Variants in HCLS1 observed in about 807,000 individuals in gnomAD.
HCLS1 encodes hematopoietic cell-specific Lyn substrate 1, also known as hematopoietic lineage cell-specific protein.
In HCLS1, 44 loss-of-function variants were observed where a neutral mutation model predicts 68.6. The observed-to-expected ratio is 0.64, with a 90% CI of 0.50 to 0.82. The LOEUF (loss-of-function observed/expected upper bound fraction) is 0.82. Among genes scored for constraint, HCLS1 ranks in the 40% least tolerant of loss-of-function variants. The pLI, the probability that HCLS1 is intolerant of heterozygous loss-of-function variation, is 0.00. For missense variants in HCLS1, 602 were observed against 612.1 expected, an observed-to-expected ratio of 0.98 and a Z score of 0.17; for synonymous variants, 217 against 225.8, an observed-to-expected ratio of 0.96 and a Z score of 0.35.
intron 10 of HCLS1, among the ~76,000 whole-genome samples, 174 bp from the exon 11 acceptor site, chr3:121,633,345 A>G (rs1429979879): frequency 6.6e-6 from 1 of 151,910 alleles, no homozygotes; most frequent in Non-Finnish European, 1.5e-5. Context: ...CCCCCTGAGT[A>G]GCTGGGATTA....
At chr3:121,650,939 C>A (rs912112312) in intron 3 of HCLS1, among the ~76,000 whole-genome samples, 1 of 152,128 alleles carries the variant, frequency 6.6e-6, no homozygotes, top group African/African-American at 2.4e-5. Context: ...AGCTCAAGAC[C>A]AGCCTAGCCA....
intron 4 of HCLS1, among the ~76,000 whole-genome samples, chr3:121,645,321 C>T (rs2049236880): frequency 6.6e-6 from 1 of 152,048 alleles, no homozygotes; most frequent in South Asian, 2.1e-4. Flanking sequence ...GACGCCATAG[C>T]CGGGATGGAA....
At position 121,657,369 on chromosome 3, in the gene HCLS1, G is replaced by T; in HGVS notation, c.85-17C>A. The T allele has an allele frequency of 3.1e-6, 5 of 1,613,134 alleles. No homozygotes were observed. Among genetic ancestry groups the T allele is most frequent in the Non-Finnish European group, 4.2e-6 (5 of 1,179,262 alleles). Reference sequence around the variant, plus strand: ...GATGTCATTCTGCAAACGACAGCACGCAGTAATACATGACGGCAAGAAATG... The same window carrying T: ...GATGTCATTCTGCAAACGACAGCACTCAGTAATACATGACGGCAAGAAATG... On this transcript the variant is annotated splice_polypyrimidine_tract_variant and intron_variant, in intron 2 of 13. Transcript: ENST00000314583.
chr3:121,632,933 A>G, intron 11 of HCLS1, 134 bp downstream of exon 11: 3 of 629,826 alleles, frequency 4.8e-6, no homozygotes, highest in Non-Finnish European at 8.6e-6. Flanking sequence ...GGAGTTTCCC[A>G]GAAGGCAAGG....
At chr3:121,651,985 T>A (rs1576219793) in intron 3 of HCLS1, among the ~76,000 whole-genome samples, 1 of 152,158 alleles carries the variant, frequency 6.6e-6, no homozygotes, top group African/African-American at 2.4e-5. Flanking sequence ...TTGTCAATAA[T>A]CCAAATGGCT....
At chr3:121,639,758 G>A (rs1417937470) in intron 6 of HCLS1, among the ~76,000 whole-genome samples, 3 of 152,138 alleles carry the variant, frequency 2.0e-5, no homozygotes, top group Non-Finnish European at 4.4e-5. Context: ...AATGTTTGTA[G>A]CAAATGAAGG....
rs1195518202 is a variant in HCLS1, at chr3:121,632,333, A to G, written c.1239T>C (p.Ala413=). 24 of 1,613,966 alleles carry G rather than the reference A, an allele frequency of 1.5e-5. No individual in the cohort carries two copies. The highest frequency in any genetic ancestry group is 2.0e-5 in the Non-Finnish European group (24 of 1,179,910). Residue 413 remains alanine (A), a splice_region_variant and synonymous_variant, in exon 12 of 14, where the codon GCT becomes GCC. Coordinates refer to ENST00000314583, the MANE Select transcript of HCLS1 (RefSeq NM_005335.6). ...PEDSSFSSAL[A]GSSGCPAGAG... ...CCTGCTTCTCCTCCCATCACTCACC[A>G]GCCAGAGCAGAAGAAAAAGAAGAAT...
At chr3:121,658,136 C>G in intron 2 of HCLS1, 128 bp downstream of exon 2, 1 of 704,728 alleles carries the variant, frequency 1.4e-6, no homozygotes. Flanking sequence ...ACCAATTAGT[C>G]CCAGTATGAG....
In HCLS1 at chr3:121,647,148, A is replaced by G. The variant is rs182748596; in HGVS notation, c.288+171T>C. 2.3e-4 allele frequency among the ~76,000 whole-genome samples: 35 copies of G among 151,476 alleles called. No homozygotes were observed. In the East Asian group the frequency reaches 6.2e-3, roughly 27 times the overall value. On this transcript the variant is annotated intron_variant, in intron 4 of 13. Transcript: ENST00000314583. ...AGGCACCCACCACGACGCACGGCTA[A>G]TTTTTTGTATTTTTAGTAGAGATGG...
chr3:121,637,268 GGAGCAGTCATGA>G lies in HCLS1; in HGVS notation c.455-24_455-13del. On this transcript the variant is annotated splice_polypyrimidine_tract_variant and intron_variant, in intron 6 of 13. Coordinates refer to ENST00000314583, the MANE Select transcript of HCLS1 (RefSeq NM_005335.6). ...GCCACGAGAGTAATCTGTGGTCGAAGGAGCAGTCATGAGAGCCCACCCTTAGGCTCCAGCACA... is the reference window on the plus strand; with the variant it reads ...GCCACGAGAGTAATCTGTGGTCGAAGGAGCCCACCCTTAGGCTCCAGCACA... 1 of 1,598,976 alleles carries G rather than the reference GGAGCAGTCATGA, an allele frequency of 6.3e-7. No homozygotes were observed. Among genetic ancestry groups the G allele is most frequent in the South Asian group, 1.1e-5 (1 of 90,798 alleles).
chr3:121,637,486 C>T (rs982168682), intron 6 of HCLS1, among the ~76,000 whole-genome samples: 16 of 152,098 alleles, frequency 1.1e-4, no homozygotes, highest in African/African-American at 3.6e-4. Flanking sequence ...ATGAGAAGAA[C>T]ATTCCCATTT....
intron 3 of HCLS1, among the ~76,000 whole-genome samples, chr3:121,647,794 C>A (rs1176558832): frequency 6.6e-6 from 1 of 152,142 alleles, no homozygotes; most frequent in Non-Finnish European, 1.5e-5. Flanking sequence ...AATGGATCTG[C>A]TTTCTATCAA....
rs778433434 is a variant in HCLS1, at chr3:121,636,422, C to A, written c.621+12G>T. ...GAACTCTTCTTAAGACATTGGTGTT[C>A]CGGTGCTTTACCTTATCCACTCGGT... On this transcript the variant is annotated intron_variant, in intron 8 of 13. Coordinates refer to ENST00000314583, the MANE Select transcript of HCLS1 (RefSeq NM_005335.6). 1.2e-6 allele frequency: 2 copies of A among 1,606,552 alleles called. No homozygotes were observed. Among genetic ancestry groups the A allele is most frequent in the African/African-American group, 2.7e-5 (2 of 74,818 alleles).
Position 121,642,882 on chromosome 3 carries a change from C to A in HCLS1, c.454+45G>T, listed in dbSNP as rs1200002291. Reference sequence around the variant, plus strand: ...GAAGATAAAGTCTTAGCAGAAGAGCCTGCCGGTCAGATTGCTGAGGCTGAG... The same window carrying A: ...GAAGATAAAGTCTTAGCAGAAGAGCATGCCGGTCAGATTGCTGAGGCTGAG... On this transcript the variant is annotated intron_variant, in intron 6 of 13. Coordinates refer to ENST00000314583, the MANE Select transcript of HCLS1 (RefSeq NM_005335.6). 3 of 1,488,338 alleles carry A rather than the reference C, an allele frequency of 2.0e-6. No homozygotes were observed. The Admixed American group carries it at 5.0e-5, about 25-fold the overall frequency. The allele number at this position is 1,488,338 out of a possible 1,614,324, so 92.2% of individuals were successfully genotyped here. A position where few individuals can be genotyped will look rare whatever the true frequency, so the allele number is the denominator to read the frequency against.
At chr3:121,637,402 A>G in intron 6 of HCLS1, 146 bp from the exon 7 acceptor site, 1 of 605,622 alleles carries the variant, frequency 1.7e-6, no homozygotes, top group East Asian at 2.7e-5. Flanking sequence ...AATTAAAGAG[A>G]AGCCATGTCT....
intron 6 of HCLS1, among the ~76,000 whole-genome samples, chr3:121,642,403 A>G (rs1013060416): frequency 2.6e-5 from 4 of 152,086 alleles, no homozygotes; most frequent in Non-Finnish European, 5.9e-5. Flanking sequence ...CAGGACACAG[A>G]GCTTGCGGTG....
At chr3:121,634,464 G>C in intron 9 of HCLS1, 46 bp from the exon 10 acceptor site, 1 of 1,574,288 alleles carries the variant, frequency 6.4e-7, no homozygotes, top group South Asian at 1.1e-5. Flanking sequence ...GGATTGGAGA[G>C]TGGGGAAGGG....
At chr3:121,646,796 GAGCCAATTATTTTAT>G (rs1272321698) in intron 4 of HCLS1, among the ~76,000 whole-genome samples, 6 of 133,940 alleles carry the variant, frequency 4.5e-5, no homozygotes, top group African/African-American at 1.4e-4. Context: ...GGCTCTTATA[GAGCCAATTATTTTAT>G]AGCCAATTAT....
At position 121,657,316 on chromosome 3, in the gene HCLS1, T is replaced by C; in HGVS notation, c.121A>G (p.Lys41Glu). Residue 41 changes from lysine (K) to glutamate (E), a missense_variant, in exon 3 of 14, where the codon AAG becomes GAG. Transcript: ENST00000314583. ...ISEKEQRWGA[K>E]TIEGSGRTEH... ...GTGCGTCCAGACCCCTCGATGGTCT[T>C]GGCTCCCCATCGTTGCTCCTTTTCA... is the stretch of plus-strand genomic sequence containing the variant. The C allele has an allele frequency of 6.2e-7, 1 of 1,614,166 alleles. No individual in the cohort carries two copies. Among genetic ancestry groups the C allele is most frequent in the Non-Finnish European group, 8.5e-7 (1 of 1,180,012 alleles).
Sources: allele counts gnomAD v4.1 joint callset (sites outside exome capture counted in the v4.1 genomes callset), GRCh38; gene constraint gnomAD v4.1.1; transcripts MANE v1.5; gene names NCBI Gene and HGNC (gene_info 2026-07-23, HGNC 2026-07-21).